DAZL: variants seen among roughly 807,000 people sequenced by gnomAD.
DAZL encodes deleted in azoospermia like, also known as deleted in azoospermia-like.
A neutral mutation model predicts 45.0 loss-of-function variants in DAZL; 4 were observed. The observed-to-expected ratio is 0.09, with a 90% CI of 0.04 to 0.20. The LOEUF (loss-of-function observed/expected upper bound fraction) is 0.20, where lower values mean the gene tolerates loss of function less well. DAZL is among the 10% of genes least tolerant of loss of function. The pLI, the probability that DAZL is intolerant of heterozygous loss-of-function variation, is 1.00. For synonymous variants in DAZL, 122 were observed against 112.4 expected, an observed-to-expected ratio of 1.09 and a Z score of -0.54; for missense variants, 326 against 351.3, an observed-to-expected ratio of 0.93 and a Z score of 0.58.
chr3:16,596,034 G>A (rs1694594911), intron 6 of DAZL, among the ~76,000 whole-genome samples: 1 of 151,878 alleles, frequency 6.6e-6, no homozygotes. Flanking sequence ...TTCAGAGAAG[G>A]AGAAAGAAGA....
intron 10 of DAZL, among the ~76,000 whole-genome samples, chr3:16,591,469 G>A (rs1164057281): frequency 7.0e-6 from 1 of 142,474 alleles, no homozygotes; most frequent in African/African-American, 2.7e-5. Flanking sequence ...TCACTCTGTT[G>A]CCCAGGCTGG....
chr3:16,598,563 G>C lies in DAZL; in HGVS notation c.39C>G (p.Ile13Met). The C allele has an allele frequency of 6.2e-7, 1 of 1,601,462 alleles. No individual in the cohort carries two copies. The highest frequency in any genetic ancestry group is 8.5e-7 in the Non-Finnish European group (1 of 1,178,996). ...TANPETPNST[I>M]SREASTQSSS... ...AGGACTGGGTGCTGGCCTCTCTGGA[G>C]ATGGTTGAGTTTGGAGTTTCAGGAT... Residue 13 changes from isoleucine to methionine, a missense_variant, in exon 2 of 11, where the codon ATC becomes ATG. Physicochemically the swap from Ile to Met is conservative, Grantham distance 10 (BLOSUM62 1). Coordinates refer to ENST00000399444, the MANE Select transcript of DAZL (RefSeq NM_001351.4).
chr3:16,590,607 C>T (rs73142513), intron 10 of DAZL, among the ~76,000 whole-genome samples: 24,304 of 152,042 alleles, frequency 0.16, 2,401 homozygotes, highest in East Asian at 0.46. Flanking sequence ...TTATTTCTAA[C>T]AGTTAAAAAG....
chr3:16,595,809 C>T (rs1217355908), intron 6 of DAZL, among the ~76,000 whole-genome samples: 24 of 152,032 alleles, frequency 1.6e-4, no homozygotes, highest in Admixed American at 1.4e-3. Flanking sequence ...AGTCCTCCTA[C>T]AGATGCTATG....
In DAZL at chr3:16,596,840, T is replaced by A. The variant is rs1219194736; in HGVS notation, c.408A>T (p.Pro136=). The A allele has an allele frequency of 6.2e-7, 1 of 1,613,660 alleles. No individual in the cohort carries two copies. Among genetic ancestry groups the A allele is most frequent in the African/African-American group, 1.3e-5 (1 of 74,884 alleles). ...PRPLVFNHPP[P]PQFQNVWTNP... is the part of the protein sequence containing the mutation. ...TAGTCCAGACATTCTGAAACTGTGG[T>A]GGAGGAGGATGATTAAAAACCAAAG... is the stretch of plus-strand genomic sequence containing the variant. Residue 136 remains proline (P), a synonymous_variant, in exon 6 of 11, where the codon CCA becomes CCT. Coordinates refer to ENST00000399444, the MANE Select transcript of DAZL (RefSeq NM_001351.4).
chr3:16,603,382 T>C (rs1302035347), intron 1 of DAZL, among the ~76,000 whole-genome samples: 1 of 152,028 alleles, frequency 6.6e-6, no homozygotes. Context: ...GCCTCCCCTC[T>C]TTGTTGCCTA....
chr3:16,593,702 A>G lies in DAZL; in HGVS notation c.688T>C (p.Cys230Arg). The change falls in exon 9 of 11, where the codon TGT becomes CGT. Residue 230 changes from cysteine (C) to arginine (R), a missense_variant. Cys to Arg is a radical substitution (Grantham distance 180). Transcript: ENST00000399444. The stretch of plus-strand genomic sequence containing the variant: ...GGTGGAGTAGCTTCATGAACTGAAC[A>G]TTCATTTGGCACAACTTCAGCTCCT... ...DPGAEVVPNECSVHEATPPSG... is the reference protein window; with the variant it reads ...DPGAEVVPNERSVHEATPPSG... The G allele has an allele frequency of 6.2e-7, 1 of 1,612,808 alleles. No individual in the cohort carries two copies.
chr3:16,596,344 T>C (rs762358046), intron 6 of DAZL, among the ~76,000 whole-genome samples: 1 of 151,942 alleles, frequency 6.6e-6, no homozygotes, highest in African/African-American at 2.4e-5. Flanking sequence ...CCAGAATATA[T>C]CCAGAAGTCA....
At chr3:16,604,799 GGCGGAGGC>G (rs1360573774) in intron 1 of DAZL, 12 of 1,346,206 alleles carry the variant, frequency 8.9e-6, no homozygotes, top group African/African-American at 3.0e-5. Context: ...GTGGGGGAGG[GGCGGAGGC>G]GCGTGAGTGG....
In DAZL at chr3:16,588,499, T is replaced by C. The variant is rs1438072357; in HGVS notation, c.*161A>G. On this transcript the variant is annotated 3_prime_UTR_variant, in exon 11 of 11. Coordinates refer to ENST00000399444, the MANE Select transcript of DAZL (RefSeq NM_001351.4). ...AACCAGTTTCTAAATAAACATCTAA[T>C]GAAGAACAGTTTAAGATAAAACTAG... 3.2e-6 allele frequency: 2 copies of C among 632,260 alleles called. No homozygotes were observed. The highest frequency in any genetic ancestry group is 5.9e-6 in the Non-Finnish European group (2 of 340,906). The allele number at this position is 632,260 out of a possible 1,614,324, so 39.2% of individuals were successfully genotyped here.
rs1394224571 is a variant in DAZL, at chr3:16,597,519, T to C, written c.265A>G (p.Asn89Asp). Residue 89 changes from asparagine (N) to aspartate (D), a missense_variant, in exon 4 of 11, where the codon AAT (asparagine) becomes GAT (aspartate). Asn to Asp is a conservative substitution (Grantham distance 23). This residue lies in a region of DAZL where 18 missense variants were observed against 45.0 expected (regional missense o/e 0.40). Coordinates refer to ENST00000399444, the MANE Select transcript of DAZL (RefSeq NM_001351.4). ...SKGYGFVSFFNDVDVQKIVES... is the reference protein window; with the variant it reads ...SKGYGFVSFFDDVDVQKIVES... Reference sequence around the variant, plus strand: ...ACTATCTTCTGCACATCCACGTCATTAAAAAATGAAACAAATCCATAGCTA... The same window carrying C: ...ACTATCTTCTGCACATCCACGTCATCAAAAAATGAAACAAATCCATAGCTA... The C allele has an allele frequency of 1.9e-6, 3 of 1,573,632 alleles. No homozygotes were observed. The highest frequency in any genetic ancestry group is 8.7e-7 in the Non-Finnish European group (1 of 1,143,534).
Position 16,605,412 on chromosome 3 carries a change from C to T in DAZL, c.-207G>A, listed in dbSNP as rs1694765606. 6.1e-6 allele frequency: 4 copies of T among 655,748 alleles called. No individual in the cohort carries two copies. Among genetic ancestry groups the T allele is most frequent in the African/African-American group, 3.6e-5 (2 of 55,346 alleles). The allele number at this position is 655,748 out of a possible 1,614,324, so 40.6% of individuals were successfully genotyped here. ...AAAGGCGGACCGTCAGGCTGAGGAG[C>T]GCAGGCGGACTGAGGCGTGGTCCGC... On this transcript the variant is annotated 5_prime_UTR_variant, in exon 1 of 11. Transcript: ENST00000399444.
chr3:16,597,656 T>C, intron 3 of DAZL, 115 bp from the exon 4 acceptor site: 2 of 726,284 alleles, frequency 2.8e-6, no homozygotes, highest in Middle Eastern at 4.8e-4. Flanking sequence ...CTATGCTAAA[T>C]ATTTAAGATG....
rs963559757 is a variant in DAZL, at chr3:16,602,410, T to G, written c.3+2793A>C. Among the ~76,000 whole-genome samples, 3 of 152,244 alleles carry G rather than the reference T, an allele frequency of 2.0e-5. No homozygotes were observed. In the South Asian group the frequency reaches 6.2e-4, roughly 32 times the overall value. ...CTTGTAAAGAAATAGATAACTTGGG[T>G]GTATGTTTGTGTCAGAGAGAGGTGC... On this transcript the variant is annotated intron_variant, in intron 1 of 10. Transcript: ENST00000399444.
intron 1 of DAZL, 50 bp downstream of exon 1, chr3:16,605,153 C>T: frequency 6.2e-7 from 1 of 1,611,988 alleles, no homozygotes; most frequent in South Asian, 1.1e-5. Context: ...GTTTCACCCA[C>T]GAGTGAAGAC....
At chr3:16,600,462 T>C (rs1038744364) in intron 1 of DAZL, among the ~76,000 whole-genome samples, 1 of 152,212 alleles carries the variant, frequency 6.6e-6, no homozygotes, top group Admixed American at 6.5e-5. Context: ...TGGTATTTCA[T>C]GACAATGATG....
chr3:16,602,077 G>T (rs1694698712), intron 1 of DAZL, among the ~76,000 whole-genome samples: 1 of 152,008 alleles, frequency 6.6e-6, no homozygotes, highest in Non-Finnish European at 1.5e-5. Context: ...ATGAAAATCA[G>T]AATCAAAACT....
At chr3:16,590,839 T>C (rs1457517978) in intron 10 of DAZL, among the ~76,000 whole-genome samples, 1 of 149,818 alleles carries the variant, frequency 6.7e-6, no homozygotes, top group African/African-American at 2.5e-5. Context: ...AGTAAATTAG[T>C]GGTTGCCTAG....
rs903689344 is a variant in DAZL, at chr3:16,596,841, G to A, written c.407C>T (p.Pro136Leu). The A allele has an allele frequency of 6.2e-7, 1 of 1,613,658 alleles. No individual in the cohort carries two copies. The highest frequency in any genetic ancestry group is 8.5e-7 in the Non-Finnish European group (1 of 1,179,694). ...PRPLVFNHPP[P>L]PQFQNVWTNP... ...AGTCCAGACATTCTGAAACTGTGGTGGAGGAGGATGATTAAAAACCAAAGG... is the reference window on the plus strand; with the variant it reads ...AGTCCAGACATTCTGAAACTGTGGTAGAGGAGGATGATTAAAAACCAAAGG... Residue 136 changes from proline to leucine, a missense_variant, in exon 6 of 11, where the codon CCA becomes CTA. Around this residue, in one of 3 missense-constraint regions of DAZL, gnomAD observed 227 missense variants for 216.6 expected, o/e 1.05. Transcript: ENST00000399444.
Sources: allele counts gnomAD v4.1 joint callset (sites outside exome capture counted in the v4.1 genomes callset), GRCh38; gene constraint gnomAD v4.1.1; regional missense constraint gnomAD v4.1.1; transcripts MANE v1.5; gene names NCBI Gene and HGNC (gene_info 2026-07-23, HGNC 2026-07-21).